MDGA2: variants seen among roughly 807,000 people sequenced by gnomAD.
MDGA2 encodes the protein MAM domain containing glycosylphosphatidylinositol anchor 2, also known as MAM domain-containing glycosylphosphatidylinositol anchor protein 2.
A neutral mutation model predicts 117.8 loss-of-function variants in MDGA2; 40 were observed. The ratio of observed to expected loss-of-function variants is 0.34; its 90% CI spans 0.26 to 0.44. The LOEUF is 0.44. MDGA2 is among the 20% of genes least tolerant of loss of function. The pLI is 1.00. For missense variants in MDGA2, 1,123 were observed against 1,250.6 expected, an observed-to-expected ratio of 0.90 and a Z score of 1.54; for synonymous variants, 452 against 439.0, an observed-to-expected ratio of 1.03 and a Z score of -0.37.
chr14:47,227,731 A>T (rs967088970), intron 2 of MDGA2, among the ~76,000 whole-genome samples: 8 of 152,100 alleles, frequency 5.3e-5, no homozygotes, highest in Non-Finnish European at 7.4e-5. Context: ...TATGAATTAG[A>T]CAAAATCTCA....
chr14:47,213,992 C>G (rs1885987278), intron 3 of MDGA2, among the ~76,000 whole-genome samples: 1 of 151,982 alleles, frequency 6.6e-6, no homozygotes, highest in Non-Finnish European at 1.5e-5. Context: ...AGCTTCTTCA[C>G]AAGGAAAAGT....
intron 2 of MDGA2, among the ~76,000 whole-genome samples, chr14:47,257,698 A>G (rs1322931182): frequency 1.3e-5 from 2 of 152,146 alleles, no homozygotes; most frequent in Non-Finnish European, 2.9e-5. Context: ...ATCACTTTTT[A>G]TAGTCCAAGA....
chr14:47,245,856 A>C (rs1185093516), intron 2 of MDGA2, among the ~76,000 whole-genome samples: 1 of 151,982 alleles, frequency 6.6e-6, no homozygotes, highest in South Asian at 2.1e-4. Flanking sequence ...GTAATCACTT[A>C]TAGAGTGCTC....
intron 1 of MDGA2, among the ~76,000 whole-genome samples, chr14:47,414,516 C>T (rs530254017): frequency 1.4e-4 from 21 of 152,072 alleles, no homozygotes; most frequent in South Asian, 8.3e-4. Context: ...GAATTTCTTG[C>T]GATATAGATA....
intron 3 of MDGA2, among the ~76,000 whole-genome samples, chr14:47,186,083 C>T (rs1206141094): frequency 1.3e-5 from 2 of 151,174 alleles, no homozygotes; most frequent in Non-Finnish European, 3.0e-5. Flanking sequence ...AACAAGATTC[C>T]ATAAAAAATT....
chr14:47,341,816 C>G (rs527592515), intron 1 of MDGA2, among the ~76,000 whole-genome samples: 11 of 152,112 alleles, frequency 7.2e-5, no homozygotes, highest in African/African-American at 2.4e-4. Context: ...AGAGGGTGTG[C>G]CTAGAACCTG....
intron 4 of MDGA2, among the ~76,000 whole-genome samples, chr14:47,134,676 A>G (rs546856225): frequency 1.1e-4 from 17 of 151,956 alleles, no homozygotes; most frequent in African/African-American, 3.4e-4. Flanking sequence ...GATGATATAT[A>G]GGTACAGATA....
At chr14:47,298,331 T>C (rs573892721) in intron 2 of MDGA2, among the ~76,000 whole-genome samples, 17 of 151,984 alleles carry the variant, frequency 1.1e-4, no homozygotes, top group Non-Finnish European at 2.4e-4. Context: ...CACTAAACAA[T>C]ATACCATAAA....
At chr14:47,557,667 T>C (rs1464747649) in intron 1 of MDGA2, among the ~76,000 whole-genome samples, 1 of 152,200 alleles carries the variant, frequency 6.6e-6, no homozygotes, top group Non-Finnish European at 1.5e-5. Flanking sequence ...CATTTCTCAA[T>C]CAAAAACCTT....
At chr14:46,898,302 T>C (rs1883158638) in intron 10 of MDGA2, among the ~76,000 whole-genome samples, 1 of 152,056 alleles carries the variant, frequency 6.6e-6, no homozygotes, top group Non-Finnish European at 1.5e-5. Context: ...GTGGTAGATA[T>C]GAATAAGGGT....
In MDGA2 at chr14:47,165,613, A is replaced by G. The variant is rs141952204; in HGVS notation, c.596-21339T>C. Among the ~76,000 whole-genome samples the G allele has an allele frequency of 2.6e-3, 389 of 152,244 alleles. 3 individuals carry two copies. Among genetic ancestry groups the G allele is most frequent in the African/African-American group, 8.8e-3 (367 of 41,548 alleles). The stretch of plus-strand genomic sequence containing the variant: ...GGGTGGAACTCTCGAAGGACCCTCA[A>G]TTGCTTCCATTTCTAGGTTCCACTC... On this transcript the variant is annotated intron_variant, in intron 3 of 16. Transcript: ENST00000399232.
chr14:47,264,892 C>A (rs1235592017), intron 2 of MDGA2, among the ~76,000 whole-genome samples: 2 of 151,998 alleles, frequency 1.3e-5, no homozygotes, highest in East Asian at 3.9e-4. Flanking sequence ...GTGTGATGTT[C>A]CCCTCCCTGT....
intron 1 of MDGA2, among the ~76,000 whole-genome samples, chr14:47,385,988 G>A (rs1891747650): frequency 6.6e-6 from 1 of 152,068 alleles, no homozygotes; most frequent in Non-Finnish European, 1.5e-5. Context: ...ATTTATGAAA[G>A]CATAGATTTC....
rs544950062 is a variant in MDGA2 at position 47,111,679 on chromosome 14, C to T, written c.926-14556G>A. ...TAAATTCTCAGAATCTAAGAGGTAA[C>T]GAGGAGAAATTTAAAATGGAAAGAC... On this transcript the variant is annotated intron_variant, in intron 5 of 16. Coordinates refer to ENST00000399232, the MANE Select transcript of MDGA2 (RefSeq NM_001113498.3). Among the ~76,000 whole-genome samples the T allele has an allele frequency of 7.2e-5, 11 of 151,834 alleles. No homozygotes were observed. In the East Asian group the frequency reaches 1.4e-3, roughly 19 times the overall value.
rs192485538 is a variant in MDGA2 at position 47,244,082 on chromosome 14, T to C, written c.421-25887A>G. Among the ~76,000 whole-genome samples the C allele has an allele frequency of 3.1e-4, 47 of 151,920 alleles. No homozygotes were observed. The South Asian group carries it at 6.4e-3, about 21-fold the overall frequency. ...TGCTTCTTTATTTAGCTCTCTCTTG[T>C]GAGAGATTCTGCTTTTAAGGGGACA... On this transcript the variant is annotated intron_variant, in intron 2 of 16. Coordinates refer to ENST00000399232, the MANE Select transcript of MDGA2 (RefSeq NM_001113498.3).
At chr14:47,101,224 AG>A (rs1180201347) in intron 5 of MDGA2, among the ~76,000 whole-genome samples, 2 of 152,328 alleles carry the variant, frequency 1.3e-5, no homozygotes, top group East Asian at 3.9e-4. Flanking sequence ...AGGAAGGGAA[AG>A]GGGAACAAAA....
intron 1 of MDGA2, among the ~76,000 whole-genome samples, chr14:47,632,818 C>T (rs967945528): frequency 2.0e-5 from 3 of 151,790 alleles, no homozygotes; most frequent in Admixed American, 6.6e-5. Flanking sequence ...CTGATTAACA[C>T]TTCACTTATC....
chr14:47,111,372 G>A (rs1407656253), intron 5 of MDGA2, among the ~76,000 whole-genome samples: 1 of 151,948 alleles, frequency 6.6e-6, no homozygotes, highest in African/African-American at 2.4e-5. Context: ...TTTAGGCCAG[G>A]AGAAGAATTA....
chr14:47,137,390 TC>T (rs1013342438), intron 4 of MDGA2, among the ~76,000 whole-genome samples: 3 of 152,140 alleles, frequency 2.0e-5, no homozygotes, highest in African/African-American at 7.2e-5. Context: ...ATGAAAGGTA[TC>T]TGGGTCATGC....
Sources: allele counts gnomAD v4.1 joint callset (sites outside exome capture counted in the v4.1 genomes callset), GRCh38; gene constraint gnomAD v4.1.1; transcripts MANE v1.5; gene names NCBI Gene and HGNC (gene_info 2026-07-23, HGNC 2026-07-21).